The following CNOT2 variants were observed in gnomAD, a reference collection of about 807,000 sequenced individuals.
CNOT2 encodes the protein CC chemokine receptor 4-negative regulator of transcription 2.
A neutral mutation model predicts 72.1 loss-of-function variants in CNOT2; 7 were observed. The observed-to-expected ratio is 0.10, with a 90% CI of 0.06 to 0.18. The LOEUF (loss-of-function observed/expected upper bound fraction) is 0.18. Among genes scored for constraint, CNOT2 ranks in the 10% least tolerant of loss-of-function variants. The pLI is 1.00. For missense variants in CNOT2, 345 were observed against 660.3 expected, an observed-to-expected ratio of 0.52 and a Z score of 5.23; for synonymous variants, 196 against 225.6, an observed-to-expected ratio of 0.87 and a Z score of 1.17.
chr12:70,343,314 C>T (rs564124713), intron 13 of CNOT2, among the ~76,000 whole-genome samples: 142 of 152,174 alleles, frequency 9.3e-4, no homozygotes, highest in Admixed American at 1.4e-3. Context: ...ATAAGTATTT[C>T]GATATAGGAT....
At chr12:70,296,018 T>G (rs1002740699) in intron 2 of CNOT2, among the ~76,000 whole-genome samples, 2 of 152,056 alleles carry the variant, frequency 1.3e-5, no homozygotes, top group African/African-American at 4.8e-5. Flanking sequence ...ACTTTGGGGG[T>G]GCATATTAAG....
At chr12:70,244,275 A>C (rs916352564) in intron 1 of CNOT2, 1 of 152,216 alleles carries the variant, frequency 6.6e-6, no homozygotes, top group African/African-American at 2.4e-5. Context: ...GTGAAGTTGC[A>C]AGTCCTGGGT....
At chr12:70,321,429 C>T (rs1344284803) in intron 4 of CNOT2, 2 of 151,896 alleles carry the variant, frequency 1.3e-5, no homozygotes, top group South Asian at 2.1e-4. Context: ...CACAAGCTAC[C>T]ATGTGGGTCT....
chr12:70,354,150 A>T lies in CNOT2; in HGVS notation c.*235A>T, dbSNP rs1039707565. On this transcript the variant is annotated 3_prime_UTR_variant, in exon 16 of 16. Transcript: ENST00000229195. ...TTTCTCTAGTTTGAGCAGGGTCTGA[A>T]TTTTTTCATTTATTTCCTTTTTTGC... is the stretch of plus-strand genomic sequence containing the variant. The T allele has an allele frequency of 1.7e-5, 12 of 701,740 alleles. No homozygotes were observed. The highest frequency in any genetic ancestry group is 4.0e-5 in the Admixed American group (1 of 24,716). 43.5% of individuals were successfully genotyped at this position (701,740 alleles called of 1,614,324 possible).
At chr12:70,303,988 C>G (rs1365090383) in intron 2 of CNOT2, among the ~76,000 whole-genome samples, 1 of 152,238 alleles carries the variant, frequency 6.6e-6, no homozygotes, top group Non-Finnish European at 1.5e-5. Context: ...TTTCTTCCAG[C>G]TGATCTCATT....
intron 11 of CNOT2, among the ~76,000 whole-genome samples, chr12:70,341,022 G>T (rs552202373): frequency 6.6e-6 from 1 of 150,552 alleles, no homozygotes; most frequent in African/African-American, 2.4e-5. Context: ...AGCTGGGATT[G>T]CAGGCATGTG....
chr12:70,279,537 C>T (rs1869449581), intron 2 of CNOT2, among the ~76,000 whole-genome samples: 1 of 152,164 alleles, frequency 6.6e-6, no homozygotes, highest in South Asian at 2.1e-4. Flanking sequence ...TGCTAATGAT[C>T]TGTACTCAGG....
At chr12:70,324,567 G>A (rs1410781264) in intron 4 of CNOT2, among the ~76,000 whole-genome samples, 1 of 151,784 alleles carries the variant, frequency 6.6e-6, no homozygotes, top group East Asian at 2.0e-4. Context: ...ATCTAGAGCA[G>A]AAATTTAGGT....
At chr12:70,344,811 T>G (rs1157961762) in intron 14 of CNOT2, 2 of 152,250 alleles carry the variant, frequency 1.3e-5, no homozygotes, top group African/African-American at 2.4e-5. Context: ...TTTGTAAATA[T>G]GTGAATTATA....
chr12:70,269,670 A>G (rs1959180023), intron 1 of CNOT2, among the ~76,000 whole-genome samples: 1 of 152,222 alleles, frequency 6.6e-6, no homozygotes, highest in African/African-American at 2.4e-5. Context: ...AGTGGTAACA[A>G]AAATCATCAC....
chr12:70,337,235 G>A (rs1880824782), intron 8 of CNOT2, 154 bp from the exon 9 acceptor site: 1 of 538,820 alleles, frequency 1.9e-6, no homozygotes, highest in African/African-American at 1.9e-5. Context: ...GTTCTTCATT[G>A]TTACCCTGGA....
chr12:70,326,814 T>C (rs1490806461), intron 4 of CNOT2, among the ~76,000 whole-genome samples: 1 of 151,872 alleles, frequency 6.6e-6, no homozygotes, highest in African/African-American at 2.4e-5. Flanking sequence ...AAACTTAGAC[T>C]TTTTGAATTT....
intron 2 of CNOT2, among the ~76,000 whole-genome samples, chr12:70,284,596 G>A (rs1413590034): frequency 1.7e-5 from 1 of 59,250 alleles, no homozygotes; most frequent in Non-Finnish European, 3.6e-5. Context: ...TTTTTTTTTT[G>A]GCATTCATGG....
rs150390625 is a variant in CNOT2 at position 70,253,808 on chromosome 12, T to C, written c.-96+10328T>C. Among the ~76,000 whole-genome samples the C allele has an allele frequency of 5.4e-3, 827 of 152,282 alleles. 8 individuals carry two copies. The highest frequency in any genetic ancestry group is 0.019 in the African/African-American group (777 of 41,544). On this transcript the variant is annotated intron_variant, in intron 1 of 15. Transcript: ENST00000229195. ...TTTCCCCTTAATTCAAGGGGAAATA[T>C]GTTCTGAGACCCCAGTGGATGCCTG...
intron 4 of CNOT2, among the ~76,000 whole-genome samples, chr12:70,325,364 A>T (rs1315990401): frequency 6.6e-6 from 1 of 151,848 alleles, no homozygotes; most frequent in East Asian, 1.9e-4. Context: ...ATTGCCCAAA[A>T]TCACAATTGC....
chr12:70,250,659 A>G lies in CNOT2; in HGVS notation c.-96+7179A>G, dbSNP rs147360362. On this transcript the variant is annotated intron_variant, in intron 1 of 15. Transcript: ENST00000229195. ...AGATTAAGTAGGGTGATGAGAGAAGACTTCTGTGGAGGTATCAGTTGAGCA... is the reference window on the plus strand; with the variant it reads ...AGATTAAGTAGGGTGATGAGAGAAGGCTTCTGTGGAGGTATCAGTTGAGCA... Among the ~76,000 whole-genome samples the G allele has an allele frequency of 3.8e-3, 573 of 152,240 alleles. 5 individuals are homozygous for G. Among genetic ancestry groups the G allele is most frequent in the African/African-American group, 0.013 (524 of 41,552 alleles).
At chr12:70,275,816 C>T (rs1868690930) in intron 1 of CNOT2, among the ~76,000 whole-genome samples, 2 of 152,162 alleles carry the variant, frequency 1.3e-5, no homozygotes, top group South Asian at 4.1e-4. Context: ...TACATCCTTT[C>T]ATTTCCAATA....
chr12:70,317,929 T>C (rs1302112344), intron 3 of CNOT2, among the ~76,000 whole-genome samples: 2 of 151,968 alleles, frequency 1.3e-5, no homozygotes, highest in Non-Finnish European at 2.9e-5. Context: ...TTTTTCTAAC[T>C]GTGGTCAGTG....
chr12:70,271,364 G>GATC (rs1959216361), intron 1 of CNOT2, among the ~76,000 whole-genome samples: 3 of 143,634 alleles, frequency 2.1e-5, no homozygotes. Context: ...GGCTTACACT[G>GATC]ATCACATTTC....
Sources: allele counts gnomAD v4.1 joint callset (sites outside exome capture counted in the v4.1 genomes callset), GRCh38; gene constraint gnomAD v4.1.1; transcripts MANE v1.5; gene names NCBI Gene and HGNC (gene_info 2026-07-23, HGNC 2026-07-21).